The following FAM169A variants were observed in gnomAD, a reference collection of about 807,000 sequenced individuals.
FAM169A encodes the protein family with sequence similarity 169 member A, also known as soluble lamin-associated protein of 75 kDa.
FAM169A carries 24 observed loss-of-function variants against 75.7 expected under a neutral mutation model. The ratio of observed to expected loss-of-function variants is 0.32; its 90% CI spans 0.23 to 0.45. The LOEUF is 0.45. Ranked by LOEUF, FAM169A falls within the 20% of genes least tolerant of loss-of-function variation. FAM169A has a pLI of 1.00. For synonymous variants in FAM169A, 271 were observed against 271.0 expected (o/e 1.00, Z 0.00); for missense variants, 673 against 784.0 (o/e 0.86, Z 1.69).
intron 11 of FAM169A, among the ~76,000 whole-genome samples, chr5:74,794,894 G>A (rs1746188503): frequency 6.6e-6 from 1 of 152,154 alleles, no homozygotes; most frequent in Non-Finnish European, 1.5e-5. Flanking sequence ...GATGGAGGCT[G>A]CAGTGAGCTG....
chr5:74,804,648 T>C, intron 7 of FAM169A, 43 bp from the exon 8 acceptor site: 1 of 1,181,646 alleles, frequency 8.5e-7, no homozygotes, highest in Admixed American at 1.9e-5. Context: ...GAATCAGTAT[T>C]TGGTTTTAAC....
chr5:74,856,473 A>G (rs1466872090), intron 1 of FAM169A, among the ~76,000 whole-genome samples: 4 of 152,128 alleles, frequency 2.6e-5, no homozygotes, highest in African/African-American at 7.2e-5. Context: ...AATGTTTTAT[A>G]GTTTTCATTG....
intron 1 of FAM169A, among the ~76,000 whole-genome samples, chr5:74,857,760 C>G (rs1049351020): frequency 1.3e-5 from 2 of 151,914 alleles, no homozygotes; most frequent in African/African-American, 4.8e-5. Context: ...ACATGACCAG[C>G]CAACAAACTA....
intron 5 of FAM169A, among the ~76,000 whole-genome samples, chr5:74,818,778 T>G (rs1253756775): frequency 8.8e-6 from 1 of 113,980 alleles, no homozygotes; most frequent in Non-Finnish European, 1.7e-5. Flanking sequence ...CAGCTCTCTC[T>G]CTCTCTCTCT....
intron 6 of FAM169A, among the ~76,000 whole-genome samples, chr5:74,809,422 ATC>A (rs756998613): frequency 2.1e-4 from 32 of 151,508 alleles, no homozygotes; most frequent in Non-Finnish European, 4.0e-4. Flanking sequence ...GTGAAACCCC[ATC>A]TCTACTAAAA....
At chr5:74,804,673 G>C in intron 7 of FAM169A, 68 bp from the exon 8 acceptor site, 1 of 872,168 alleles carries the variant, frequency 1.1e-6, no homozygotes, top group Non-Finnish European at 1.8e-6. Context: ...ACATTGTACT[G>C]ATTTTCCTAA....
At chr5:74,837,430 G>A (rs1365708161) in intron 4 of FAM169A, among the ~76,000 whole-genome samples, 7 of 152,038 alleles carry the variant, frequency 4.6e-5, no homozygotes, top group Non-Finnish European at 1.0e-4. Flanking sequence ...GAATCTTAAG[G>A]CACACTGAAG....
At chr5:74,829,528 T>A (rs1374495621) in intron 5 of FAM169A, among the ~76,000 whole-genome samples, 2 of 152,154 alleles carry the variant, frequency 1.3e-5, no homozygotes, top group Non-Finnish European at 2.9e-5. Flanking sequence ...ATTTCCTTCC[T>A]TAAATAGAAA....
At chr5:74,824,182 G>A (rs1250451751) in intron 5 of FAM169A, among the ~76,000 whole-genome samples, 1 of 152,176 alleles carries the variant, frequency 6.6e-6, no homozygotes, top group African/African-American at 2.4e-5. Context: ...TATAGTAGTT[G>A]TTGACTAGAT....
At chr5:74,799,038 C>G in intron 10 of FAM169A, 1 of 1,091,658 alleles carries the variant, frequency 9.2e-7, no homozygotes, top group South Asian at 1.2e-5. Context: ...ACTGTCGTGC[C>G]TGAAACAGGG....
intron 1 of FAM169A, among the ~76,000 whole-genome samples, chr5:74,863,831 G>A (rs1750162887): frequency 6.6e-6 from 1 of 151,882 alleles, no homozygotes; most frequent in African/African-American, 2.4e-5. Flanking sequence ...CAGAATCAAT[G>A]TAAAAGTTTA....
Position 74,777,953 on chromosome 5 carries a change from T to G in FAM169A, c.*3507A>C, listed in dbSNP as rs551701502. ...CCTTGGAAATGACGATCCAGGATGATACAATCACTTGATGACAGAAGGTAA... is the reference window on the plus strand; with the variant it reads ...CCTTGGAAATGACGATCCAGGATGAGACAATCACTTGATGACAGAAGGTAA... On this transcript the variant is annotated 3_prime_UTR_variant, in exon 13 of 13. Transcript: ENST00000687041. 6.6e-6 allele frequency: 1 copy of G among 152,170 alleles called. No individual in the cohort carries two copies. Among genetic ancestry groups the G allele is most frequent in the Non-Finnish European group, 1.5e-5 (1 of 67,888 alleles). The allele number at this position is 152,170 out of a possible 1,614,324, so 9.4% of individuals were successfully genotyped here.
intron 5 of FAM169A, among the ~76,000 whole-genome samples, chr5:74,818,142 A>G (rs1747565303): frequency 6.6e-6 from 1 of 152,234 alleles, no homozygotes; most frequent in Non-Finnish European, 1.5e-5. Flanking sequence ...GTGACAAAAG[A>G]AAAAGTAGAT....
intron 6 of FAM169A, among the ~76,000 whole-genome samples, chr5:74,812,935 T>G (rs536270900): frequency 1.6e-4 from 24 of 152,312 alleles, no homozygotes; most frequent in Non-Finnish European, 2.4e-4. Flanking sequence ...AATGCAGCAA[T>G]CACTTTAGAA....
At chr5:74,864,002 T>A (rs1270428160) in intron 1 of FAM169A, among the ~76,000 whole-genome samples, 1 of 152,222 alleles carries the variant, frequency 6.6e-6, no homozygotes, top group Non-Finnish European at 1.5e-5. Flanking sequence ...TGTCCAAGGT[T>A]CTTCTCGCCT....
chr5:74,807,606 C>T (rs559966220), intron 6 of FAM169A, among the ~76,000 whole-genome samples: 2 of 152,264 alleles, frequency 1.3e-5, no homozygotes, highest in African/African-American at 4.8e-5. Context: ...CATTACAGGA[C>T]TACTTTTAAA....
At chr5:74,828,383 T>C (rs1272188162) in intron 5 of FAM169A, among the ~76,000 whole-genome samples, 5 of 152,184 alleles carry the variant, frequency 3.3e-5, no homozygotes, top group African/African-American at 1.2e-4. Context: ...CAGACCTTTT[T>C]ACAACTCCAG....
At chr5:74,865,298 C>T (rs773149711) in intron 1 of FAM169A, 45 of 152,222 alleles carry the variant, frequency 3.0e-4, no homozygotes, top group Non-Finnish European at 8.8e-5. Context: ...ATATGTCCCT[C>T]CGGTCCCAAT....
At chr5:74,857,888 C>A (rs554165056) in intron 1 of FAM169A, among the ~76,000 whole-genome samples, 113 of 152,160 alleles carry the variant, frequency 7.4e-4, no homozygotes, top group African/African-American at 2.5e-3. Context: ...TCTATCCAAG[C>A]CAGTATGCCA....
Sources: gnomAD v4.1 joint callset for allele counts (sites outside exome capture counted in the v4.1 genomes callset) on GRCh38, gnomAD v4.1.1 for gene constraint, MANE v1.5 for transcripts, NCBI Gene and HGNC (gene_info 2026-07-23, HGNC 2026-07-21) for gene names.